BTBD8: variants seen among roughly 807,000 people sequenced by gnomAD.
The protein encoded by BTBD8 is BTB/POZ domain-containing protein 8.
BTBD8 carries 110 observed loss-of-function variants against 162.9 expected under a neutral mutation model. The observed-to-expected ratio is 0.68, with a 90% CI of 0.58 to 0.79. The LOEUF (loss-of-function observed/expected upper bound fraction) is 0.79, where lower values mean the gene tolerates loss of function less well. Among genes scored for constraint, BTBD8 ranks in the 30% least tolerant of loss-of-function variants. BTBD8 has a pLI of 0.00. For synonymous variants in BTBD8, 667 were observed against 716.1 expected (o/e 0.93, Z 1.10); for missense variants, 1,905 against 2,085.4 (o/e 0.91, Z 1.68).
Position 92,180,351 on chromosome 1 carries a change from A to G in BTBD8, c.2668A>G (p.Thr890Ala). Residue 890 changes from threonine to alanine, a missense_variant, in exon 17 of 18, where the codon ACA becomes GCA. Thr to Ala is a moderately conservative substitution (Grantham distance 58, BLOSUM62 0). Transcript: ENST00000636805. ...AAATGTGGCAAAGTTGGACCACAAT[A>G]CAACTACAGAGAAACAAGCACCTAA... ...DENVAKLDHN[T>A]TTEKQAPKRK... 2 of 1,551,648 alleles carry G rather than the reference A, an allele frequency of 1.3e-6. No individual in the cohort carries two copies. The highest frequency in any genetic ancestry group is 1.7e-6 in the Non-Finnish European group (2 of 1,146,908).
intron 4 of BTBD8, chr1:92,125,716 T>C: frequency 2.3e-6 from 1 of 431,770 alleles, no homozygotes; most frequent in South Asian, 1.9e-5. Flanking sequence ...GCCAAAGCCA[T>C]TGAAAAGAAT....
Position 92,133,766 on chromosome 1 carries a change from C to T in BTBD8, c.752+3990C>T, listed in dbSNP as rs187539069. On this transcript the variant is annotated intron_variant, in intron 5 of 17. Coordinates refer to ENST00000636805, the MANE Select transcript of BTBD8 (RefSeq NM_001376131.1). ...CGGGCGGATCACAAGGTCAGGAGAT[C>T]GAGACCATCCTGGCTAACACGGTGA... Among the ~76,000 whole-genome samples the T allele has an allele frequency of 3.0e-3, 461 of 152,074 alleles. 3 individuals carry two copies. Among genetic ancestry groups the T allele is most frequent in the African/African-American group, 0.011 (446 of 41,488 alleles).
chr1:92,086,549 T>G (rs1648166584), intron 1 of BTBD8, among the ~76,000 whole-genome samples: 1 of 151,860 alleles, frequency 6.6e-6, no homozygotes, highest in Admixed American at 6.6e-5. Context: ...GAGGATCCCT[T>G]GAGCTTGGGA....
Position 92,182,115 on chromosome 1 carries a change from G to T in BTBD8, c.4432G>T (p.Glu1478Ter). Residue 1478 changes from glutamate to a stop codon, truncating the protein, a stop_gained, in exon 17 of 18, where the codon GAA becomes TAA. Transcript: ENST00000636805. LOFTEE classifies it high-confidence loss of function. ...TGATGTTTTTGATGGCATTTCTCATGAACATCATGGAAGGACCTGCTATTC... is the reference window on the plus strand; with the variant it reads ...TGATGTTTTTGATGGCATTTCTCATTAACATCATGGAAGGACCTGCTATTC... ...PSDVFDGISHEHHGRTCYSRF... is the reference protein window; with the variant it reads ...PSDVFDGISH The T allele has an allele frequency of 6.4e-7, 1 of 1,551,464 alleles. No individual in the cohort carries two copies. Among genetic ancestry groups the T allele is most frequent in the Non-Finnish European group, 8.7e-7 (1 of 1,146,896 alleles).
intron 12 of BTBD8, among the ~76,000 whole-genome samples, chr1:92,170,116 A>G (rs1650498555): frequency 6.6e-6 from 1 of 152,146 alleles, no homozygotes; most frequent in African/African-American, 2.4e-5. Flanking sequence ...AGGATTTCAT[A>G]GTTAAGTTGA....
At chr1:92,093,878 T>A (rs1648381951) in intron 2 of BTBD8, among the ~76,000 whole-genome samples, 1 of 152,250 alleles carries the variant, frequency 6.6e-6, no homozygotes, top group Admixed American at 6.5e-5. Flanking sequence ...AGCTGTTGAA[T>A]GTATGTTTAA....
At chr1:92,109,696 G>C (rs1002101601) in intron 4 of BTBD8, among the ~76,000 whole-genome samples, 1 of 152,102 alleles carries the variant, frequency 6.6e-6, no homozygotes, top group African/African-American at 2.4e-5. Flanking sequence ...ACATCTTTCT[G>C]TTTATAGTAC....
intron 4 of BTBD8, among the ~76,000 whole-genome samples, chr1:92,123,439 T>C (rs999226727): frequency 2.6e-5 from 4 of 152,170 alleles, no homozygotes; most frequent in African/African-American, 9.7e-5. Flanking sequence ...AGAATGGTCA[T>C]ATTAACAGTT....
intron 1 of BTBD8, among the ~76,000 whole-genome samples, chr1:92,082,573 C>T (rs1648047246): frequency 6.6e-6 from 1 of 152,082 alleles, no homozygotes; most frequent in African/African-American, 2.4e-5. Context: ...GATATCTAAA[C>T]AAGGGGAATA....
chr1:92,111,798 T>C (rs1015178917), intron 4 of BTBD8, among the ~76,000 whole-genome samples: 3 of 152,190 alleles, frequency 2.0e-5, no homozygotes, highest in Non-Finnish European at 4.4e-5. Context: ...TCTGTAAGAC[T>C]GGCACATATG....
chr1:92,167,690 G>A lies in BTBD8; in HGVS notation c.1306-158G>A, dbSNP rs532978153. Among the ~76,000 whole-genome samples the A allele has an allele frequency of 7.9e-5, 12 of 152,156 alleles. 1 individual carries two copies. The highest frequency in any genetic ancestry group is 6.5e-5 in the Admixed American group (1 of 15,294). On this transcript the variant is annotated intron_variant, in intron 10 of 17. Transcript: ENST00000636805. ...ATAAATAAATAAAAATAAAAGCTGCGTGCATATGCATATATGCGAATTTTT... is the reference window on the plus strand; with the variant it reads ...ATAAATAAATAAAAATAAAAGCTGCATGCATATGCATATATGCGAATTTTT...
rs150049241 is a variant in BTBD8 at position 92,091,228 on chromosome 1, C to T, written c.347+2333C>T. On this transcript the variant is annotated intron_variant, in intron 2 of 17. Transcript: ENST00000636805. ...GTTTACAAGTGTGTAGCACCTCCTCCTTGTTCTCTAGAGCTCTTCCTCCTC... is the reference window on the plus strand; with the variant it reads ...GTTTACAAGTGTGTAGCACCTCCTCTTTGTTCTCTAGAGCTCTTCCTCCTC... Among the ~76,000 whole-genome samples the T allele has an allele frequency of 3.1e-3, 473 of 152,246 alleles. 4 individuals carry two copies. Among genetic ancestry groups the T allele is most frequent in the African/African-American group, 0.011 (461 of 41,536 alleles).
At chr1:92,168,710 T>A (rs1215029238) in intron 11 of BTBD8, among the ~76,000 whole-genome samples, 156 bp from the exon 12 acceptor site, 2 of 152,202 alleles carry the variant, frequency 1.3e-5, no homozygotes, top group Non-Finnish European at 2.9e-5. Flanking sequence ...TTGTTATTAA[T>A]AAGTCTTCAT....
intron 3 of BTBD8, 146 bp downstream of exon 3, chr1:92,102,815 TC>T: frequency 1.6e-6 from 1 of 615,378 alleles, no homozygotes; most frequent in Non-Finnish European, 2.4e-6. Context: ...TATTGTTAAC[TC>T]CCAGTTTTTC....
intron 7 of BTBD8, among the ~76,000 whole-genome samples, chr1:92,145,141 T>C (rs1332407816): frequency 6.6e-6 from 1 of 152,062 alleles, no homozygotes; most frequent in Non-Finnish European, 1.5e-5. Context: ...TTTTTGTATT[T>C]TTAGTAGAAA....
At chr1:92,098,730 C>T (rs1014571100) in intron 2 of BTBD8, among the ~76,000 whole-genome samples, 1 of 152,002 alleles carries the variant, frequency 6.6e-6, no homozygotes, top group Non-Finnish European at 1.5e-5. Flanking sequence ...TTTACATATT[C>T]TTTGGAAAAC....
chr1:92,126,151 T>C lies in BTBD8; in HGVS notation c.663-3536T>C. The C allele has an allele frequency of 6.0e-6, 3 of 500,916 alleles. No individual in the cohort carries two copies. In the Admixed American group the frequency reaches 6.8e-5, roughly 11 times the overall value. 31.0% of individuals were successfully genotyped at this position (500,916 alleles called of 1,614,324 possible). A position where few individuals can be genotyped will look rare whatever the true frequency, so the allele number is the denominator to read the frequency against. ...GCTGATACATGGGAACCAGTCAAGT[T>C]TGAAGATTGGCAGAAGATTGTGGTG... On this transcript the variant is annotated intron_variant, in intron 4 of 17. Coordinates refer to ENST00000636805, the MANE Select transcript of BTBD8 (RefSeq NM_001376131.1).
chr1:92,145,552 C>T (rs1443024113), intron 7 of BTBD8, among the ~76,000 whole-genome samples: 1 of 152,130 alleles, frequency 6.6e-6, no homozygotes, highest in Admixed American at 6.5e-5. Context: ...TGCTTAGAAA[C>T]GTCCAAAACA....
chr1:92,107,947 C>T lies in BTBD8; in HGVS notation c.608C>T (p.Pro203Leu). ...GATTTATTGAAGCTTTATGTGAAACCTTGTTGCCCAGATATTGATATTTTT... is the reference window on the plus strand; with the variant it reads ...GATTTATTGAAGCTTTATGTGAAACTTTGTTGCCCAGATATTGATATTTTT... ...GEDLLKLYVK[P>L]CCPDIDIFVD... is the part of the protein sequence containing the mutation. Residue 203 changes from proline to leucine, a missense_variant, in exon 4 of 18, where the codon CCT becomes CTT. Around this residue, in one of 3 missense-constraint regions of BTBD8, gnomAD observed 1,374 missense variants for 1,442.7 expected, o/e 0.95. Coordinates refer to ENST00000636805, the MANE Select transcript of BTBD8 (RefSeq NM_001376131.1). 3 of 1,614,068 alleles carry T rather than the reference C, an allele frequency of 1.9e-6. No homozygotes were observed. Among genetic ancestry groups the T allele is most frequent in the Non-Finnish European group, 2.5e-6 (3 of 1,179,990 alleles).
Sources: allele counts gnomAD v4.1 joint callset (sites outside exome capture counted in the v4.1 genomes callset), GRCh38; gene constraint gnomAD v4.1.1; regional missense constraint gnomAD v4.1.1; transcripts MANE v1.5; gene names NCBI Gene and HGNC (gene_info 2026-07-23, HGNC 2026-07-21).